The following GSG1L variants were observed in gnomAD, a reference collection of about 807,000 sequenced individuals.
GSG1L encodes the protein germ cell-specific gene 1-like protein.
GSG1L carries 24 observed loss-of-function variants against 42.1 expected under a neutral mutation model. The ratio of observed to expected loss-of-function variants is 0.57; its 90% CI spans 0.41 to 0.80. GSG1L has a LOEUF of 0.80. Ranked by LOEUF, GSG1L falls within the 30% of genes least tolerant of loss-of-function variation. The probability of loss-of-function intolerance (pLI) is 0.00; values close to 1 mark genes in which losing one functional copy is unlikely to be tolerated. For synonymous variants in GSG1L, 215 were observed against 203.5 expected, an observed-to-expected ratio of 1.06 and a Z score of -0.48; for missense variants, 445 against 472.2, an observed-to-expected ratio of 0.94 and a Z score of 0.53.
chr16:27,975,380 C>G (rs2085239502), intron 1 of GSG1L, among the ~76,000 whole-genome samples: 1 of 152,112 alleles, frequency 6.6e-6, no homozygotes, highest in Non-Finnish European at 1.5e-5. Flanking sequence ...GCACACCGCC[C>G]TACTTAAGGT....
In GSG1L at chr16:27,991,391, C is replaced by A. The variant is rs377460249; in HGVS notation, c.350-28188G>T. ...TCTTTTTGATTGTAGTATTTGTGTG[C>A]ATTATATTTCTTTTTTTGTTTGTTT... On this transcript the variant is annotated intron_variant, in intron 1 of 6. Coordinates refer to ENST00000447459, the MANE Select transcript of GSG1L (RefSeq NM_001109763.2). Among the ~76,000 whole-genome samples the A allele has an allele frequency of 3.3e-5, 5 of 151,218 alleles. No individual in the cohort carries two copies. In the East Asian group the frequency reaches 5.8e-4, roughly 18 times the overall value.
chr16:27,961,532 T>C (rs1003711876), intron 2 of GSG1L, among the ~76,000 whole-genome samples: 2 of 152,222 alleles, frequency 1.3e-5, no homozygotes, highest in African/African-American at 4.8e-5. Context: ...CTTGGTTTCT[T>C]CATCTGTCAG....
intron 3 of GSG1L, among the ~76,000 whole-genome samples, chr16:27,858,984 T>C (rs1458106507): frequency 1.3e-5 from 2 of 151,932 alleles, no homozygotes; most frequent in Non-Finnish European, 2.9e-5. Context: ...GAGCCCCAGA[T>C]GGAGAGAATG....
intron 5 of GSG1L, among the ~76,000 whole-genome samples, chr16:27,807,770 G>T (rs902257869): frequency 6.6e-6 from 1 of 152,186 alleles, no homozygotes; most frequent in Non-Finnish European, 1.5e-5. Flanking sequence ...GGCTTTTGGA[G>T]GTGATGTGAC....
At chr16:27,968,136 T>C (rs1022136486) in intron 1 of GSG1L, among the ~76,000 whole-genome samples, 1 of 152,164 alleles carries the variant, frequency 6.6e-6, no homozygotes, top group African/African-American at 2.4e-5. Context: ...AAGAATTCTA[T>C]TTTACAACCA....
intron 1 of GSG1L, among the ~76,000 whole-genome samples, chr16:28,005,767 C>T (rs547909031): frequency 5.3e-5 from 8 of 152,104 alleles, no homozygotes; most frequent in Admixed American, 1.3e-4. Context: ...GCATAGAGAC[C>T]GGCAGAATAA....
In GSG1L at chr16:27,880,976, C is replaced by G. The variant is rs150426447; in HGVS notation, c.550+3510G>C. ...CCCTCCAGCCCCTTCCACTTCTTCC[C>G]TATCTTGGTTAGATCACTGCTCACC... On this transcript the variant is annotated intron_variant, in intron 3 of 6. Transcript: ENST00000447459. Among the ~76,000 whole-genome samples, 281 of 152,022 alleles carry G rather than the reference C, an allele frequency of 1.8e-3. 2 individuals carry two copies. Among genetic ancestry groups the G allele is most frequent in the African/African-American group, 6.5e-3 (270 of 41,458 alleles).
intron 1 of GSG1L, among the ~76,000 whole-genome samples, chr16:27,980,240 G>A (rs1468475298): frequency 1.3e-5 from 2 of 152,150 alleles, no homozygotes; most frequent in African/African-American, 2.4e-5. Context: ...GTCCTGGTTG[G>A]CAGCAGAGAT....
rs371061208 is a variant in GSG1L at position 27,999,096 on chromosome 16, C to T, written c.350-35893G>A. On this transcript the variant is annotated intron_variant, in intron 1 of 6. Coordinates refer to ENST00000447459, the MANE Select transcript of GSG1L (RefSeq NM_001109763.2). ...GTGAAAACGGACATATTCAACCACA[C>T]GTCCCCACCATTCATCACAATGCCT... Among the ~76,000 whole-genome samples the T allele has an allele frequency of 8.5e-5, 13 of 152,294 alleles. 1 individual carries two copies. The highest frequency in any genetic ancestry group is 1.5e-4 in the Non-Finnish European group (10 of 68,032).
intron 3 of GSG1L, among the ~76,000 whole-genome samples, chr16:27,864,850 G>T (rs754008540): frequency 1.3e-5 from 2 of 152,174 alleles, no homozygotes; most frequent in Non-Finnish European, 2.9e-5. Context: ...CCGCAGGAAG[G>T]AGCCCAGCCC....
At chr16:27,979,692 AAG>A (rs1567542855) in intron 1 of GSG1L, among the ~76,000 whole-genome samples, 13 of 40,326 alleles carry the variant, frequency 3.2e-4, no homozygotes, top group Middle Eastern at 0.013. Flanking sequence ...AGAAAGAAGG[AAG>A]GAAGGAAGGA....
intron 4 of GSG1L, among the ~76,000 whole-genome samples, chr16:27,840,716 G>C (rs962263154): frequency 2.7e-5 from 4 of 149,116 alleles, no homozygotes; most frequent in South Asian, 2.1e-4. Flanking sequence ...GAGTGACACT[G>C]TGTGATTTCT....
At chr16:27,909,959 T>C (rs12933398) in intron 2 of GSG1L, among the ~76,000 whole-genome samples, 18,441 of 136,992 alleles carry the variant, frequency 0.13, 975 homozygotes, top group Admixed American at 0.22. Flanking sequence ...TTCTTTCTTT[T>C]TTTTTTTTTT....
At chr16:28,061,259 G>C (rs1196651890) in intron 1 of GSG1L, among the ~76,000 whole-genome samples, 2 of 152,226 alleles carry the variant, frequency 1.3e-5, no homozygotes, top group African/African-American at 2.4e-5. Context: ...TGAGAGATTA[G>C]GGTTGGGCTG....
chr16:27,824,294 C>A (rs143631301), intron 5 of GSG1L, among the ~76,000 whole-genome samples: 2 of 152,232 alleles, frequency 1.3e-5, no homozygotes, highest in Admixed American at 6.5e-5. Context: ...CAGCGCCTCA[C>A]CCCAAATTAC....
At chr16:27,831,328 T>C (rs1376442578) in intron 4 of GSG1L, among the ~76,000 whole-genome samples, 1 of 152,230 alleles carries the variant, frequency 6.6e-6, no homozygotes, top group Non-Finnish European at 1.5e-5. Flanking sequence ...AGTTTCTTTT[T>C]ATTTTTTTTC....
In GSG1L at chr16:27,789,454, A is replaced by G. The variant is rs976044076; in HGVS notation, c.*1916T>C. 6.6e-6 allele frequency: 1 copy of G among 151,838 alleles called. No homozygotes were observed. Among genetic ancestry groups the G allele is most frequent in the African/African-American group, 2.4e-5 (1 of 41,298 alleles). 9.4% of individuals were successfully genotyped at this position (151,838 alleles called of 1,614,324 possible). A position where few individuals can be genotyped will look rare whatever the true frequency, so the allele number is the denominator to read the frequency against. ...AGGGATGATGGCTGATGAATGATGG[A>G]TAAAGGATGGATGGATGATGGATAG... On this transcript the variant is annotated 3_prime_UTR_variant, in exon 7 of 7. Coordinates refer to ENST00000447459, the MANE Select transcript of GSG1L (RefSeq NM_001109763.2).
intron 4 of GSG1L, 37 bp from the exon 5 acceptor site, chr16:27,828,993 G>A (rs2083246346): frequency 6.2e-7 from 1 of 1,603,328 alleles, no homozygotes; most frequent in Non-Finnish European, 8.5e-7. Context: ...CATCGTGAGG[G>A]TGGGCAAGGG....
At chr16:27,846,865 G>C (rs1424291778) in intron 3 of GSG1L, among the ~76,000 whole-genome samples, 1 of 148,852 alleles carries the variant, frequency 6.7e-6, no homozygotes, top group Non-Finnish European at 1.5e-5. Flanking sequence ...GCTGAGGCAG[G>C]AAAATGGTGT....
Sources: allele counts gnomAD v4.1 joint callset (sites outside exome capture counted in the v4.1 genomes callset), GRCh38; gene constraint gnomAD v4.1.1; transcripts MANE v1.5; gene names NCBI Gene and HGNC (gene_info 2026-07-23, HGNC 2026-07-21).